EFHB: variants seen among roughly 807,000 people sequenced by gnomAD.
EFHB encodes EF-hand domain family member B, also known as EF-hand domain-containing family member B.
In EFHB, 91 loss-of-function variants were observed where a neutral mutation model predicts 87.2. The ratio of observed to expected loss-of-function variants is 1.04; its 90% CI spans 0.88 to 1.24. The LOEUF (loss-of-function observed/expected upper bound fraction) is 1.24. Ranked by LOEUF, EFHB falls within the 50% of genes most tolerant of loss-of-function variation. The probability of loss-of-function intolerance (pLI) is 0.00; values close to 1 mark genes in which losing one functional copy is unlikely to be tolerated. For missense variants in EFHB, 1,084 were observed against 998.8 expected (o/e 1.09, Z -1.15); for synonymous variants, 325 against 333.6 (o/e 0.97, Z 0.28).
At position 19,884,704 on chromosome 3, in the gene EFHB, A is replaced by C. The variant is rs982087353; in HGVS notation, c.1934-89T>G. 13 of 1,288,050 alleles carry C rather than the reference A, an allele frequency of 1.0e-5. No individual in the cohort carries two copies. In the Admixed American group the frequency reaches 2.6e-4, roughly 25 times the overall value. 79.8% of individuals were successfully genotyped at this position (1,288,050 alleles called of 1,614,324 possible). ...TGTAACAGGATAAGTTTTCCCATCT[A>C]GTCTCTTCTTGCTAATGGAAACAGC... is the stretch of plus-strand genomic sequence containing the variant. On this transcript the variant is annotated intron_variant, in intron 10 of 12. Coordinates refer to ENST00000295824, the MANE Select transcript of EFHB (RefSeq NM_144715.4).
chr3:19,911,621 A>G (rs1379224128), intron 5 of EFHB, among the ~76,000 whole-genome samples: 1 of 152,010 alleles, frequency 6.6e-6, no homozygotes, highest in Non-Finnish European at 1.5e-5. Flanking sequence ...AAATTCTGGA[A>G]CTGAAAAATT....
chr3:19,936,873 TAATA>T (rs71634883), upstream of EFHB, among the ~76,000 whole-genome samples: 2,374 of 136,638 alleles, frequency 0.017, 29 homozygotes, highest in African/African-American at 0.037. Flanking sequence ...CATCTCAAAA[TAATA>T]AATAAATAAA....
upstream of EFHB, among the ~76,000 whole-genome samples, chr3:19,938,367 G>C (rs1304100359): frequency 6.6e-6 from 1 of 152,254 alleles, no homozygotes; most frequent in African/African-American, 2.4e-5. Flanking sequence ...TTCACATATT[G>C]AACTCTAGTA....
At chr3:19,900,891 G>A (rs933971613) in intron 6 of EFHB, among the ~76,000 whole-genome samples, 7 of 150,628 alleles carry the variant, frequency 4.6e-5, no homozygotes, top group African/African-American at 1.5e-4. Context: ...ATCATGCCAC[G>A]GCACCCCAGC....
upstream of EFHB, among the ~76,000 whole-genome samples, chr3:19,934,431 T>A (rs1695958540): frequency 2.9e-5 from 2 of 67,904 alleles, no homozygotes; most frequent in South Asian, 6.0e-4. Flanking sequence ...TCCTCTCCTT[T>A]GCCCTCTCCC....
At chr3:19,937,566 G>T (rs995672395), upstream of EFHB, among the ~76,000 whole-genome samples, 5 of 152,108 alleles carry the variant, frequency 3.3e-5, no homozygotes, top group African/African-American at 1.2e-4. Context: ...CAATGTCCCT[G>T]CTTGACTCAC....
intron 10 of EFHB, among the ~76,000 whole-genome samples, chr3:19,886,368 T>C (rs776906394): frequency 6.6e-6 from 1 of 152,204 alleles, no homozygotes; most frequent in Non-Finnish European, 1.5e-5. Flanking sequence ...GTATCTCCAC[T>C]TTTTAGAAGA....
intron 8 of EFHB, among the ~76,000 whole-genome samples, chr3:19,897,076 G>A (rs1388047734): frequency 6.6e-6 from 1 of 152,122 alleles, no homozygotes; most frequent in Non-Finnish European, 1.5e-5. Flanking sequence ...AAATCTAAAA[G>A]AATGAATTTT....
At chr3:19,918,109 T>G (rs979303561) in intron 4 of EFHB, 123 bp downstream of exon 4, 152 of 1,085,120 alleles carry the variant, frequency 1.4e-4, no homozygotes, top group Non-Finnish European at 1.7e-4. Flanking sequence ...CAATCCCATC[T>G]TTCCTTCTTG....
At chr3:19,945,355 A>T (rs1242942147) in intron 1 of EFHB, among the ~76,000 whole-genome samples, 1 of 152,250 alleles carries the variant, frequency 6.6e-6, no homozygotes, top group Non-Finnish European at 1.5e-5. Flanking sequence ...GAGTGGCTAA[A>T]ATGTAAAGAA....
At chr3:19,917,715 C>G (rs573029056) in intron 4 of EFHB, among the ~76,000 whole-genome samples, 1 of 152,294 alleles carries the variant, frequency 6.6e-6, no homozygotes, top group South Asian at 2.1e-4. Flanking sequence ...GTACTCTACT[C>G]CCTCTCAAAA....
At chr3:19,890,718 A>G (rs1006091484) in intron 9 of EFHB, among the ~76,000 whole-genome samples, 34 of 152,158 alleles carry the variant, frequency 2.2e-4, no homozygotes, top group East Asian at 1.9e-4. Context: ...GGTTTTGCCA[A>G]TTAGAGCCTC....
At position 19,884,646 on chromosome 3, in the gene EFHB, C is replaced by A. The variant is rs747665951; in HGVS notation, c.1934-31G>T. 48 of 1,594,768 alleles carry A rather than the reference C, an allele frequency of 3.0e-5. No individual in the cohort carries two copies. In the East Asian group the frequency reaches 3.6e-4, roughly 12 times the overall value. The stretch of plus-strand genomic sequence containing the variant: ...AGGAAAATAAATGAAAGAAAAAATG[C>A]AGGAATACATTACTACTTAGTGCTT... On this transcript the variant is annotated intron_variant, in intron 10 of 12. Transcript: ENST00000295824.
intron 10 of EFHB, among the ~76,000 whole-genome samples, chr3:19,885,222 CA>C (rs11395084): frequency 0.035 from 3,265 of 93,662 alleles, 90 homozygotes; most frequent in African/African-American, 0.1. Flanking sequence ...GACTTCGTCT[CA>C]AAAAAAAAAA....
At chr3:19,923,531 C>T (rs886849934) in intron 1 of EFHB, among the ~76,000 whole-genome samples, 5 of 152,096 alleles carry the variant, frequency 3.3e-5, no homozygotes, top group Non-Finnish European at 5.9e-5. Flanking sequence ...GGCCACCATG[C>T]CTAGCTAATT....
chr3:19,916,328 A>C (rs1031304117), intron 4 of EFHB, among the ~76,000 whole-genome samples: 2 of 152,090 alleles, frequency 1.3e-5, no homozygotes, highest in African/African-American at 4.8e-5. Context: ...CAGCCTGAGC[A>C]ACATGGTGAA....
intron 9 of EFHB, chr3:19,894,408 G>A (rs1292469052): frequency 6.6e-6 from 1 of 152,144 alleles, no homozygotes; most frequent in Non-Finnish European, 1.5e-5. Flanking sequence ...TAAATGGAAT[G>A]TCTACACATT....
intron 5 of EFHB, among the ~76,000 whole-genome samples, chr3:19,908,184 G>A (rs1694903020): frequency 6.6e-6 from 1 of 152,036 alleles, no homozygotes; most frequent in Admixed American, 6.6e-5. Flanking sequence ...ATATGATGTG[G>A]AACAAAATGA....
intron 7 of EFHB, among the ~76,000 whole-genome samples, chr3:19,899,069 A>C (rs185796269): frequency 6.6e-6 from 1 of 152,358 alleles, no homozygotes; most frequent in East Asian, 1.9e-4. Flanking sequence ...TACAAAGAAA[A>C]GCAGAACACA....
Sources: allele counts gnomAD v4.1 joint callset (sites outside exome capture counted in the v4.1 genomes callset), GRCh38; gene constraint gnomAD v4.1.1; transcripts MANE v1.5; gene names NCBI Gene and HGNC (gene_info 2026-07-23, HGNC 2026-07-21).